Variants in CCDC127 observed in about 807,000 individuals in gnomAD.
The protein encoded by CCDC127 is coiled-coil domain-containing protein 127.
In CCDC127, 2 loss-of-function variants were observed where a neutral mutation model predicts 4.1. That is an observed-to-expected ratio of 0.49 (90% confidence interval 0.20 to 1.53). The LOEUF (loss-of-function observed/expected upper bound fraction) is 1.53. Ranked by LOEUF, CCDC127 falls within the 40% of genes most tolerant of loss-of-function variation. CCDC127 has a pLI of 0.23. For missense variants in CCDC127, 271 were observed against 322.9 expected, an observed-to-expected ratio of 0.84 and a Z score of 1.23; for synonymous variants, 98 against 120.4, an observed-to-expected ratio of 0.81 and a Z score of 1.22.
At position 199,626 on chromosome 5, in the gene CCDC127, G is replaced by C. The variant is rs1342255747; in HGVS notation, c.*5671C>G. ...CTGGCACCACCAGCCCTGGCCCATG[G>C]GGAGCAGCCACCTCGGAGCTATGGC... On this transcript the variant is annotated 3_prime_UTR_variant, in exon 3 of 3. Transcript: ENST00000296824. 2.0e-5 allele frequency: 3 copies of C among 152,700 alleles called. No homozygotes were observed. Among genetic ancestry groups the C allele is most frequent in the African/African-American group, 7.3e-5 (3 of 41,332 alleles). The allele number at this position is 152,700 out of a possible 1,614,324, so 9.5% of individuals were successfully genotyped here.
In CCDC127 at chr5:205,397, C is replaced by T. The variant is rs749409134; in HGVS notation, c.683G>A (p.Arg228His). Residue 228 changes from arginine (R) to histidine (H), a missense_variant, in exon 3 of 3, where the codon CGC becomes CAC. By Grantham distance (29) the Arg-to-His change is conservative (BLOSUM62 0). Transcript: ENST00000296824. ...GAGCCACATGAGTCTGCCATTCTGG[C>T]GTTTGTTGGTGTTCCAGACATCACC... ...YCGDVWNTNK[R>H]QNGRLMWLYL... 9 of 1,614,224 alleles carry T rather than the reference C, an allele frequency of 5.6e-6. No homozygotes were observed. The highest frequency in any genetic ancestry group is 4.5e-5 in the East Asian group (2 of 44,890).
rs1367869574 is a variant in CCDC127 at position 197,013 on chromosome 5, T to TAAG, written c.*8281_*8283dup. The TAAG allele has an allele frequency of 1.3e-5, 2 of 150,502 alleles. No individual in the cohort carries two copies. Among genetic ancestry groups the TAAG allele is most frequent in the Non-Finnish European group, 2.9e-5 (2 of 67,938 alleles). 9.3% of individuals were successfully genotyped at this position (150,502 alleles called of 1,614,324 possible). On this transcript the variant is annotated 3_prime_UTR_variant, in exon 3 of 3. Coordinates refer to ENST00000296824, the MANE Select transcript of CCDC127 (RefSeq NM_145265.3). Reference sequence around the variant, plus strand: ...ATGTAGTAGGAGAGCAGGGTGATAATAAGGAGGAGGTCAGCAAAAACGTGT... The same window carrying TAAG: ...ATGTAGTAGGAGAGCAGGGTGATAATAAGAAGGAGGAGGTCAGCAAAAACGTGT...
At position 205,501 on chromosome 5, in the gene CCDC127, T is replaced by C. The variant is rs1734153725; in HGVS notation, c.579A>G (p.Arg193=). The change falls in exon 3 of 3, where the codon CGA becomes CGG. Residue 193 remains arginine (R), a synonymous_variant. Transcript: ENST00000296824. ...CAGCGGCGACGGGGTCGACGGACGCTCGCACCAGTAAGCTCTTCTCTATCT... is the reference window on the plus strand; with the variant it reads ...CAGCGGCGACGGGGTCGACGGACGCCCGCACCAGTAAGCTCTTCTCTATCT... ...RLEIEKSLLV[R]ASVDPVAADL... is the part of the protein sequence containing the mutation. 6.2e-7 allele frequency: 1 copy of C among 1,613,928 alleles called. No individual in the cohort carries two copies. Among genetic ancestry groups the C allele is most frequent in the Non-Finnish European group, 8.5e-7 (1 of 1,179,828 alleles).
intron 1 of CCDC127, 155 bp from the exon 2 acceptor site, chr5:217,014 C>A: frequency 1.8e-6 from 1 of 542,424 alleles, no homozygotes; most frequent in Non-Finnish European, 3.2e-6. Context: ...ACCTGTAGTC[C>A]CAGCTACTCG....
At chr5:206,226 C>A (rs962879267) in intron 2 of CCDC127, among the ~76,000 whole-genome samples, 3 of 76,002 alleles carry the variant, frequency 3.9e-5, no homozygotes, top group African/African-American at 3.0e-4. Context: ...CCACCATTTG[C>A]CTGCTCCGGC....
rs911007698 is a variant in CCDC127 at position 199,073 on chromosome 5, AC to A, written c.*6223del. The A allele has an allele frequency of 2.3e-4, 35 of 152,466 alleles. No individual in the cohort carries two copies. Among genetic ancestry groups the A allele is most frequent in the African/African-American group, 8.4e-4 (35 of 41,568 alleles). The allele number at this position is 152,466 out of a possible 1,614,324, so 9.4% of individuals were successfully genotyped here. A position where few individuals can be genotyped will look rare whatever the true frequency, so the allele number is the denominator to read the frequency against. On this transcript the variant is annotated 3_prime_UTR_variant, in exon 3 of 3. Transcript: ENST00000296824. ...CCAATGGGGGCCGCCATCTGGAGCC[AC>A]CGTCTTTGCCTCCCTTGGGTCTTCC... is the stretch of plus-strand genomic sequence containing the variant.
rs1443033015 is a variant in CCDC127, at chr5:202,755, C to T, written c.*2542G>A. 6.6e-6 allele frequency: 1 copy of T among 152,080 alleles called. No homozygotes were observed. Among genetic ancestry groups the T allele is most frequent in the African/African-American group, 2.4e-5 (1 of 41,314 alleles). 9.4% of individuals were successfully genotyped at this position (152,080 alleles called of 1,614,324 possible). On this transcript the variant is annotated 3_prime_UTR_variant, in exon 3 of 3. Coordinates refer to ENST00000296824, the MANE Select transcript of CCDC127 (RefSeq NM_145265.3). Reference sequence around the variant, plus strand: ...AACAATTTGCCTCGAAAATCATTCACCTACAAAGCAGCTGACTGTGTTTTC... The same window carrying T: ...AACAATTTGCCTCGAAAATCATTCATCTACAAAGCAGCTGACTGTGTTTTC...
Position 199,584 on chromosome 5 carries a change from A to G in CCDC127, c.*5713T>C, listed in dbSNP as rs1275927144. 8.1e-6 allele frequency: 1 copy of G among 123,182 alleles called. No homozygotes were observed. The highest frequency in any genetic ancestry group is 1.7e-5 in the Non-Finnish European group (1 of 59,586). 7.6% of individuals were successfully genotyped at this position (123,182 alleles called of 1,614,324 possible). ...CACCTCTGCCAGCCCAGAGCCCCTC[A>G]GCCCAGATCCCATTTTCTGGCACCA... On this transcript the variant is annotated 3_prime_UTR_variant, in exon 3 of 3. Transcript: ENST00000296824.
intron 2 of CCDC127, among the ~76,000 whole-genome samples, chr5:210,720 A>G (rs1206290928): frequency 7.5e-6 from 1 of 133,912 alleles, no homozygotes; most frequent in Non-Finnish European, 1.6e-5. Context: ...ACCCATCAGG[A>G]TGGGGCAGAC....
chr5:198,696 C>G lies in CCDC127; in HGVS notation c.*6601G>C, dbSNP rs780321085. 1 of 152,336 alleles carries G rather than the reference C, an allele frequency of 6.6e-6. No homozygotes were observed. The highest frequency in any genetic ancestry group is 1.9e-4 in the East Asian group (1 of 5,196). The allele number at this position is 152,336 out of a possible 1,614,324, so 9.4% of individuals were successfully genotyped here. A position where few individuals can be genotyped will look rare whatever the true frequency, so the allele number is the denominator to read the frequency against. On this transcript the variant is annotated 3_prime_UTR_variant, in exon 3 of 3. Coordinates refer to ENST00000296824, the MANE Select transcript of CCDC127 (RefSeq NM_145265.3). ...CACTTGCTCCTACTGAACTGATCGG[C>G]CCCATCCTGCATGGCCGTTCACCAT...
Position 200,792 on chromosome 5 carries a change from C to T in CCDC127, c.*4505G>A, listed in dbSNP as rs968125239. 20 of 152,416 alleles carry T rather than the reference C, an allele frequency of 1.3e-4. No individual in the cohort carries two copies. Among genetic ancestry groups the T allele is most frequent in the African/African-American group, 3.1e-4 (13 of 41,580 alleles). 9.4% of individuals were successfully genotyped at this position (152,416 alleles called of 1,614,324 possible). ...TTCAGCCTCAACCTATAAAACCCAG[C>T]GCAGTTACTCACACAAGTCAAGGCA... On this transcript the variant is annotated 3_prime_UTR_variant, in exon 3 of 3. Coordinates refer to ENST00000296824, the MANE Select transcript of CCDC127 (RefSeq NM_145265.3).
rs1734077897 is a variant in CCDC127 at position 201,589 on chromosome 5, G to A, written c.*3708C>T. 6.6e-6 allele frequency: 1 copy of A among 152,104 alleles called. No homozygotes were observed. Among genetic ancestry groups the A allele is most frequent in the Non-Finnish European group, 1.5e-5 (1 of 68,024 alleles). The allele number at this position is 152,104 out of a possible 1,614,324, so 9.4% of individuals were successfully genotyped here. A position where few individuals can be genotyped will look rare whatever the true frequency, so the allele number is the denominator to read the frequency against. On this transcript the variant is annotated 3_prime_UTR_variant, in exon 3 of 3. Coordinates refer to ENST00000296824, the MANE Select transcript of CCDC127 (RefSeq NM_145265.3). The stretch of plus-strand genomic sequence containing the variant: ...ATATATGCAAATTATATATCCTTAT[G>A]GATGAATAAGCGCAAAGGAGGAAAA...
Position 196,898 on chromosome 5 carries a change from C to T in CCDC127, c.*8399G>A, listed in dbSNP as rs946815091. 1.7e-4 allele frequency: 26 copies of T among 150,268 alleles called. No individual in the cohort carries two copies. Among genetic ancestry groups the T allele is most frequent in the East Asian group, 7.8e-4 (4 of 5,148 alleles). The allele number at this position is 150,268 out of a possible 1,614,324, so 9.3% of individuals were successfully genotyped here. ...AGAAACAACAGTGGGCCCAGGGGAC[C>T]GGCGCTCAGCATACCAAGGACCTGC... is the stretch of plus-strand genomic sequence containing the variant. On this transcript the variant is annotated 3_prime_UTR_variant, in exon 3 of 3. Transcript: ENST00000296824.
rs1579354586 is a variant in CCDC127 at position 199,308 on chromosome 5, T to C, written c.*5989A>G. 6.5e-6 allele frequency: 1 copy of C among 154,342 alleles called. No homozygotes were observed. The highest frequency in any genetic ancestry group is 1.4e-5 in the Non-Finnish European group (1 of 73,138). The allele number at this position is 154,342 out of a possible 1,614,324, so 9.6% of individuals were successfully genotyped here. A position where few individuals can be genotyped will look rare whatever the true frequency, so the allele number is the denominator to read the frequency against. ...GCCCCTGTGTGGTGGACGTGGCCCC[T>C]CTGTGTGGTGGACGTGGCCCCTCTG... On this transcript the variant is annotated 3_prime_UTR_variant, in exon 3 of 3. Coordinates refer to ENST00000296824, the MANE Select transcript of CCDC127 (RefSeq NM_145265.3).
intron 2 of CCDC127, among the ~76,000 whole-genome samples, chr5:213,650 C>G (rs1734320865): frequency 6.6e-6 from 1 of 152,096 alleles, no homozygotes; most frequent in South Asian, 2.1e-4. Flanking sequence ...CACGATGAGA[C>G]AGCACCACAC....
chr5:206,938 C>A (rs76870393), intron 2 of CCDC127, among the ~76,000 whole-genome samples: 1,653 of 152,234 alleles, frequency 0.011, 37 homozygotes, highest in African/African-American at 0.038. Flanking sequence ...TATCCTGTAA[C>A]CCCTCCCCTA....
chr5:218,099 C>G lies in CCDC127; in HGVS notation c.-17G>C, dbSNP rs917077674. The G allele has an allele frequency of 8.3e-7, 1 of 1,204,040 alleles. No homozygotes were observed. Among genetic ancestry groups the G allele is most frequent in the Non-Finnish European group, 1.0e-6 (1 of 967,646 alleles). 74.6% of individuals were successfully genotyped at this position (1,204,040 alleles called of 1,614,324 possible). ...GGAACAGGGCCCGCTCTACCTCGGT[C>G]GGGGAGCGCGGGACCTCAGCGTTCC... On this transcript the variant is annotated 5_prime_UTR_variant, in exon 1 of 3. Transcript: ENST00000296824.
Position 196,957 on chromosome 5 carries a change from A to ATTGC in CCDC127, c.*8339_*8340insGCAA, listed in dbSNP as rs1370527195. On this transcript the variant is annotated 3_prime_UTR_variant, in exon 3 of 3. Coordinates refer to ENST00000296824, the MANE Select transcript of CCDC127 (RefSeq NM_145265.3). ...CGGCCTCTGAGTTCCCTCAGTTTTT[A>ATTGC]TTATTATTTTCATTATTTCAGCAAA... 1 of 9,568 alleles carries ATTGC rather than the reference A, an allele frequency of 1.0e-4. No individual in the cohort carries two copies. The highest frequency in any genetic ancestry group is 2.4e-4 in the African/African-American group (1 of 4,110). 0.6% of individuals were successfully genotyped at this position (9,568 alleles called of 1,614,324 possible). A position where few individuals can be genotyped will look rare whatever the true frequency, so the allele number is the denominator to read the frequency against.
Position 202,430 on chromosome 5 carries a change from C to G in CCDC127, c.*2867G>C, listed in dbSNP as rs10038489. ...TGAAACCCTGTCTCTACTAAACATA[C>G]AAAAATTAGCCAGGCATGGTGGCAG... On this transcript the variant is annotated 3_prime_UTR_variant, in exon 3 of 3. Coordinates refer to ENST00000296824, the MANE Select transcript of CCDC127 (RefSeq NM_145265.3). 16,177 of 152,286 alleles carry G rather than the reference C, an allele frequency of 0.11. 934 individuals are homozygous for G. The highest frequency in any genetic ancestry group is 0.15 in the Admixed American group (2,368 of 15,304). 9.4% of individuals were successfully genotyped at this position (152,286 alleles called of 1,614,324 possible). A position where few individuals can be genotyped will look rare whatever the true frequency, so the allele number is the denominator to read the frequency against.
Sources: allele counts gnomAD v4.1 joint callset (sites outside exome capture counted in the v4.1 genomes callset), GRCh38; gene constraint gnomAD v4.1.1; transcripts MANE v1.5; gene names NCBI Gene and HGNC (gene_info 2026-07-23, HGNC 2026-07-21).